The following ABCA12 variants were observed in gnomAD, a reference collection of about 807,000 sequenced individuals.
ABCA12 encodes glucosylceramide transporter ABCA12.
ABCA12 carries 156 observed loss-of-function variants against 293.5 expected under a neutral mutation model. That is an observed-to-expected ratio of 0.53 (90% CI 0.47 to 0.61). The LOEUF (loss-of-function observed/expected upper bound fraction) is 0.61, where lower values mean the gene tolerates loss of function less well. Ranked by LOEUF, ABCA12 falls within the 20% of genes least tolerant of loss-of-function variation. The pLI, the probability that ABCA12 is intolerant of heterozygous loss-of-function variation, is 0.00. For synonymous variants in ABCA12, 1,063 were observed against 1,108.0 expected (o/e 0.96, Z 0.81); for missense variants, 2,797 against 3,090.2 (o/e 0.91, Z 2.25).
At chr2:215,043,517 T>A (rs1701142979) in intron 7 of ABCA12, among the ~76,000 whole-genome samples, 1 of 152,154 alleles carries the variant, frequency 6.6e-6, no homozygotes, top group African/African-American at 2.4e-5. Context: ...GCCAAAATAA[T>A]GCCTAGAGTA....
chr2:215,077,689 A>G (rs1017496637), intron 2 of ABCA12, among the ~76,000 whole-genome samples: 3 of 152,194 alleles, frequency 2.0e-5, no homozygotes. Context: ...GTTGGCAAAC[A>G]TGTGCCATTT....
intron 1 of ABCA12, among the ~76,000 whole-genome samples, chr2:215,117,804 T>C (rs1205080041): frequency 6.6e-6 from 1 of 152,228 alleles, no homozygotes; most frequent in Non-Finnish European, 1.5e-5. Flanking sequence ...GTTTGGAGAC[T>C]CTGTGAATTT....
At chr2:215,120,224 GCGC>G (rs1158041580) in intron 1 of ABCA12, among the ~76,000 whole-genome samples, 10 of 152,040 alleles carry the variant, frequency 6.6e-5, no homozygotes, top group African/African-American at 2.4e-4. Context: ...TAAACATTGA[GCGC>G]TTATGGACAC....
intron 35 of ABCA12, among the ~76,000 whole-genome samples, chr2:214,974,517 T>A (rs1251955553): frequency 6.6e-6 from 1 of 152,198 alleles, no homozygotes; most frequent in Non-Finnish European, 1.5e-5. Flanking sequence ...ATGGGATTAA[T>A]AATCCACAAG....
chr2:214,948,706 A>G lies in ABCA12; in HGVS notation c.6994T>C (p.Leu2332=), dbSNP rs377269469. Reference sequence around the variant, plus strand: ...TCTTCCTGAGGACAGTAGCCAACTAATGAGCTGTGAGAATCAACGTGACCC... The same window carrying G: ...TCTTCCTGAGGACAGTAGCCAACTAGTGAGCTGTGAGAATCAACGTGACCC... ...SLGHVDSHSS[L]VGYCPQEDAL... Residue 2332 remains leucine (L), a synonymous_variant, in exon 47 of 53, where the codon TTA becomes CTA. Transcript: ENST00000272895. The G allele has an allele frequency of 3.7e-6, 6 of 1,613,986 alleles. No individual in the cohort carries two copies. Among genetic ancestry groups the G allele is most frequent in the East Asian group, 2.2e-5 (1 of 44,866 alleles).
rs1051374851 is a variant in ABCA12 at position 215,030,692 on chromosome 2, C to T, written c.1061+1129G>A. 2.0e-5 allele frequency among the ~76,000 whole-genome samples: 3 copies of T among 151,756 alleles called. No individual in the cohort carries two copies. The East Asian group carries it at 5.8e-4, about 29-fold the overall frequency. On this transcript the variant is annotated intron_variant, in intron 9 of 52. Coordinates refer to ENST00000272895, the MANE Select transcript of ABCA12 (RefSeq NM_173076.3). ...AAGGGCTTGGTTGCTCTGGGAGAAG[C>T]ACCTGGGTCAGCCACCTTAGAGGAT... is the stretch of plus-strand genomic sequence containing the variant.
chr2:215,111,788 C>A (rs1283874672), intron 1 of ABCA12, 98 bp from the exon 2 acceptor site: 4 of 857,974 alleles, frequency 4.7e-6, no homozygotes, highest in Non-Finnish European at 7.7e-6. Context: ...AATATTTCAA[C>A]ACAAGCTGAA....
intron 3 of ABCA12, among the ~76,000 whole-genome samples, chr2:215,061,175 G>A (rs1351893764): frequency 2.6e-5 from 4 of 152,172 alleles, no homozygotes; most frequent in Middle Eastern, 3.4e-3. Context: ...AACCATAAAC[G>A]TAATAGTTTC....
intron 1 of ABCA12, among the ~76,000 whole-genome samples, chr2:215,125,556 A>G (rs1204416136): frequency 1.3e-5 from 2 of 151,218 alleles, no homozygotes; most frequent in Non-Finnish European, 3.0e-5. Flanking sequence ...TTTTTTTACA[A>G]CTAGTGTAAA....
At chr2:214,979,855 G>A (rs976613045) in intron 31 of ABCA12, among the ~76,000 whole-genome samples, 2 of 152,182 alleles carry the variant, frequency 1.3e-5, no homozygotes, top group Non-Finnish European at 2.9e-5. Flanking sequence ...ATAAATGGAG[G>A]TAGTTGAAAA....
chr2:215,046,454 C>T (rs10167689), intron 6 of ABCA12, among the ~76,000 whole-genome samples: 21,462 of 146,176 alleles, frequency 0.15, 4,670 homozygotes, highest in African/African-American at 0.48. Context: ...AGTAGAGATA[C>T]GGATAGATTT....
At chr2:215,021,495 C>T (rs1203517265) in intron 11 of ABCA12, among the ~76,000 whole-genome samples, 2 of 152,108 alleles carry the variant, frequency 1.3e-5, no homozygotes, top group Non-Finnish European at 2.9e-5. Context: ...TATTCCATGC[C>T]CTACATCCTG....
rs765799390 is a variant in ABCA12, at chr2:214,958,299, A to G, written c.6095T>C (p.Val2032Ala). 1 of 1,614,014 alleles carries G rather than the reference A, an allele frequency of 6.2e-7. No individual in the cohort carries two copies. The highest frequency in any genetic ancestry group is 1.1e-5 in the South Asian group (1 of 91,086). Residue 2032 changes from valine (V) to alanine (A), a missense_variant, in exon 41 of 53, where the codon GTA (valine) becomes GCA (alanine). Coordinates refer to ENST00000272895, the MANE Select transcript of ABCA12 (RefSeq NM_173076.3). ...ISGIGVTCYW[V>A]TNFIYDMVFY... ...CACCATGTCATAAATGAAGTTTGTT[A>G]CCCAGTAGCATGTCACGCCAATGCC...
chr2:214,964,579 C>T (rs1372509659), intron 39 of ABCA12, among the ~76,000 whole-genome samples: 1 of 151,950 alleles, frequency 6.6e-6, no homozygotes, highest in Admixed American at 6.6e-5. Flanking sequence ...TCCTATACAC[C>T]AACAGCAGGC....
chr2:215,054,597 G>C lies in ABCA12; in HGVS notation c.385C>G (p.Pro129Ala), dbSNP rs267599201. 10 of 1,611,938 alleles carry C rather than the reference G, an allele frequency of 6.2e-6. No homozygotes were observed. The East Asian group carries it at 2.2e-4, about 36-fold the overall frequency. Residue 129 changes from proline (P) to alanine (A), a missense_variant, in exon 4 of 53, where the codon CCA becomes GCA. This residue lies in a region of ABCA12 where 656 missense variants were observed against 638.2 expected (regional missense o/e 1.03). Coordinates refer to ENST00000272895, the MANE Select transcript of ABCA12 (RefSeq NM_173076.3). Reference protein sequence around the residue: ...SSLSFQSTQVPERRHASLATV... With the variant: ...SSLSFQSTQVAERRHASLATV... The stretch of plus-strand genomic sequence containing the variant: ...CCTAGTGATGCATGCCTTCTTTCTG[G>C]AACTTGGGTGCTCTGGAATGATAAA...
At chr2:214,993,058 G>T (rs576016728) in intron 23 of ABCA12, among the ~76,000 whole-genome samples, 17 of 151,712 alleles carry the variant, frequency 1.1e-4, no homozygotes, top group African/African-American at 4.1e-4. Flanking sequence ...TTTCTGCTTT[G>T]GTAACATCAC....
chr2:214,964,205 C>A (rs988562399), intron 39 of ABCA12, among the ~76,000 whole-genome samples: 3 of 151,742 alleles, frequency 2.0e-5, no homozygotes, highest in African/African-American at 7.3e-5. Context: ...AAAACTCAAA[C>A]TAGGTATTGA....
At chr2:215,059,912 C>A (rs1701494053) in intron 3 of ABCA12, among the ~76,000 whole-genome samples, 1 of 152,020 alleles carries the variant, frequency 6.6e-6, no homozygotes, top group Non-Finnish European at 1.5e-5. Context: ...TTCTGGCATT[C>A]TTTCTCCATG....
chr2:215,111,689 A>C lies in ABCA12; in HGVS notation c.71T>G (p.Leu24Arg), dbSNP rs1702573960. ...KNWLGVKRQP[L>R]WTLVLILWPV... Reference sequence around the variant, plus strand: ...CCATAAGATCAAGACAAGTGTCCAAAGCTGCAAAATAATGGTAGAAAAAAT... The same window carrying C: ...CCATAAGATCAAGACAAGTGTCCAACGCTGCAAAATAATGGTAGAAAAAAT... The change falls in exon 2 of 53, where the codon CTT becomes CGT. Residue 24 changes from leucine to arginine, a missense_variant and splice_region_variant. Leu to Arg is a moderately radical substitution (Grantham distance 102). This residue lies in a region of ABCA12 where 656 missense variants were observed against 638.2 expected (regional missense o/e 1.03). Coordinates refer to ENST00000272895, the MANE Select transcript of ABCA12 (RefSeq NM_173076.3). 1.2e-6 allele frequency: 2 copies of C among 1,612,078 alleles called. No individual in the cohort carries two copies.
Sources: gnomAD v4.1 joint callset for allele counts (sites outside exome capture counted in the v4.1 genomes callset) on GRCh38, gnomAD v4.1.1 for gene constraint, gnomAD v4.1.1 regional missense constraint, MANE v1.5 for transcripts, NCBI Gene and HGNC (gene_info 2026-07-23, HGNC 2026-07-21) for gene names.